The following SGMS1 variants were observed in gnomAD, a reference collection of about 807,000 sequenced individuals.
SGMS1 encodes phosphatidylcholine:ceramide cholinephosphotransferase 1.
In SGMS1, 13 loss-of-function variants were observed where a neutral mutation model predicts 46.2. That is an observed-to-expected ratio of 0.28 (90% CI 0.18 to 0.45). The LOEUF is 0.45. SGMS1 is among the 20% of genes least tolerant of loss of function. The pLI, the probability that SGMS1 is intolerant of heterozygous loss-of-function variation, is 1.00. For missense variants in SGMS1, 324 were observed against 519.9 expected (o/e 0.62, Z 3.66); for synonymous variants, 203 against 187.8 (o/e 1.08, Z -0.66).
Position 50,307,842 on chromosome 10 carries a change from C to T in SGMS1, c.1062+140G>A. ...TTAATTCTGAAGAGAATCAATGTCA[C>T]AAAAAAACAATACAATCTTAGTTGA... On this transcript the variant is annotated intron_variant, in intron 10 of 10. Coordinates refer to ENST00000361781, the MANE Select transcript of SGMS1 (RefSeq NM_147156.4). The surrounding 1 kb of genome is among the most constrained non-coding windows in gnomAD (Gnocchi z 4.2). 1.3e-6 allele frequency: 1 copy of T among 768,984 alleles called. No individual in the cohort carries two copies. The highest frequency in any genetic ancestry group is 1.8e-5 in the African/African-American group (1 of 56,238). The allele number at this position is 768,984 out of a possible 1,614,324, so 47.6% of individuals were successfully genotyped here. A position where few individuals can be genotyped will look rare whatever the true frequency, so the allele number is the denominator to read the frequency against.
chr10:50,445,050 G>T (rs61856795), intron 5 of SGMS1, among the ~76,000 whole-genome samples: 26,154 of 152,044 alleles, frequency 0.17, 2,564 homozygotes, highest in Admixed American at 0.23. Flanking sequence ...AATAGTAAAA[G>T]ATTTGACAAG....
At chr10:50,351,152 T>C (rs1848004493) in intron 6 of SGMS1, among the ~76,000 whole-genome samples, 1 of 152,184 alleles carries the variant, frequency 6.6e-6, no homozygotes, top group Non-Finnish European at 1.5e-5. Flanking sequence ...TTTTGGAGCT[T>C]TAATATTTGA....
chr10:50,349,624 T>C (rs897602650), intron 6 of SGMS1, among the ~76,000 whole-genome samples: 8 of 152,204 alleles, frequency 5.3e-5, no homozygotes, highest in African/African-American at 1.4e-4. Flanking sequence ...AGAGACCCAA[T>C]AGGAGATAAT....
rs534336116 is a variant in SGMS1 at position 50,501,942 on chromosome 10, T to C, written c.-498+17889A>G. 2.1e-3 allele frequency among the ~76,000 whole-genome samples: 318 copies of C among 152,318 alleles called. 1 individual carries two copies. The highest frequency in any genetic ancestry group is 2.7e-3 in the Non-Finnish European group (184 of 68,014). On this transcript the variant is annotated intron_variant, in intron 3 of 10. Transcript: ENST00000361781. ...GCACATCTTGCTTCACTGTCCATCA[T>C]TGTTGTATGTTTGCTGGGGAAAGGG...
intron 2 of SGMS1, among the ~76,000 whole-genome samples, chr10:50,566,506 A>G (rs997321592): frequency 1.3e-5 from 2 of 152,066 alleles, no homozygotes; most frequent in African/African-American, 4.8e-5. Context: ...GGGTTATTAA[A>G]CCCCCTCACA....
At chr10:50,493,853 G>A (rs763310066) in intron 3 of SGMS1, among the ~76,000 whole-genome samples, 10 of 152,088 alleles carry the variant, frequency 6.6e-5, no homozygotes, top group African/African-American at 1.9e-4. Context: ...GCTGGAGTGC[G>A]ATGGCACAAT....
At chr10:50,397,277 G>A (rs1029966852) in intron 6 of SGMS1, among the ~76,000 whole-genome samples, 4 of 152,184 alleles carry the variant, frequency 2.6e-5, no homozygotes, top group Admixed American at 1.3e-4. Flanking sequence ...GGATAGATAC[G>A]TGGTCTCTGT....
chr10:50,481,066 C>T (rs1385081424), intron 3 of SGMS1, among the ~76,000 whole-genome samples: 1 of 152,244 alleles, frequency 6.6e-6, no homozygotes, highest in Non-Finnish European at 1.5e-5. Flanking sequence ...TGCAGCTCAG[C>T]AGACTCAATC....
intron 6 of SGMS1, among the ~76,000 whole-genome samples, chr10:50,353,403 A>C (rs1028066175): frequency 6.6e-6 from 1 of 152,302 alleles, no homozygotes; most frequent in Non-Finnish European, 1.5e-5. Context: ...TCATGCTAAA[A>C]ACTCTCAATA....
At chr10:50,463,369 C>A (rs1837290659) in intron 4 of SGMS1, among the ~76,000 whole-genome samples, 1 of 152,138 alleles carries the variant, frequency 6.6e-6, no homozygotes, top group Non-Finnish European at 1.5e-5. Context: ...CTTGAATGGA[C>A]ATTTCTCCAA....
chr10:50,381,866 G>A (rs1178762527), intron 6 of SGMS1, among the ~76,000 whole-genome samples: 2 of 152,136 alleles, frequency 1.3e-5, no homozygotes, highest in Non-Finnish European at 2.9e-5. Flanking sequence ...AGGAAAAATA[G>A]GGCGGTCCAA....
chr10:50,340,712 C>A (rs1847803639), intron 7 of SGMS1: 1 of 152,172 alleles, frequency 6.6e-6, no homozygotes, highest in Non-Finnish European at 1.5e-5. Context: ...AAAGATAGAA[C>A]CAAATGTCAC....
chr10:50,624,060 C>CG, upstream of SGMS1: 2 of 985,296 alleles, frequency 2.0e-6, no homozygotes, highest in South Asian at 9.4e-5. Flanking sequence ...GCCGGCCGGG[C>CG]GGGGTCCGCG....
intron 2 of SGMS1, among the ~76,000 whole-genome samples, chr10:50,555,029 A>G (rs1384029181): frequency 6.6e-6 from 1 of 152,202 alleles, no homozygotes; most frequent in Non-Finnish European, 1.5e-5. Flanking sequence ...CTAACCATAT[A>G]GGAAAGAAGC....
chr10:50,383,202 C>A (rs924647868), intron 6 of SGMS1, among the ~76,000 whole-genome samples: 3 of 152,110 alleles, frequency 2.0e-5, no homozygotes, highest in Admixed American at 6.6e-5. Flanking sequence ...TAAATTAGAT[C>A]TTTGTACTAC....
At chr10:50,489,143 G>A (rs1417397322) in intron 3 of SGMS1, among the ~76,000 whole-genome samples, 1 of 152,110 alleles carries the variant, frequency 6.6e-6, no homozygotes, top group South Asian at 2.1e-4. Context: ...TCTACAGAGT[G>A]GACACTATAA....
intron 2 of SGMS1, among the ~76,000 whole-genome samples, chr10:50,552,053 T>C (rs201577343): frequency 6.6e-6 from 1 of 152,218 alleles, no homozygotes; most frequent in African/African-American, 2.4e-5. Context: ...GATGTGGCTG[T>C]GTTCCAATAA....
intron 1 of SGMS1, among the ~76,000 whole-genome samples, chr10:50,614,108 TTTC>T (rs756763458): frequency 7.1e-6 from 1 of 140,936 alleles, no homozygotes; most frequent in Non-Finnish European, 1.6e-5. Context: ...ACAGGAAGTC[TTTC>T]TTTTTTTTTT....
chr10:50,369,550 C>CA lies in SGMS1; in HGVS notation c.-231-25206dup, dbSNP rs549149612. The stretch of plus-strand genomic sequence containing the variant: ...AAATAGGTCAATCACATACATATGC[C>CA]AAAAAAAAAAAGCAAACAAAAAATC... On this transcript the variant is annotated intron_variant, in intron 6 of 10. Transcript: ENST00000361781. Among the ~76,000 whole-genome samples the CA allele has an allele frequency of 4.9e-3, 640 of 130,944 alleles. 1 individual carries two copies. The highest frequency in any genetic ancestry group is 0.029 in the East Asian group (135 of 4,578). The allele number at this position is 130,944 out of a possible 152,430, so 85.9% of individuals were successfully genotyped here.
Sources: allele counts gnomAD v4.1 joint callset (sites outside exome capture counted in the v4.1 genomes callset), GRCh38; gene constraint gnomAD v4.1.1; non-coding constraint Gnocchi (gnomAD v3.1); transcripts MANE v1.5; gene names NCBI Gene and HGNC (gene_info 2026-07-23, HGNC 2026-07-21).